The following SLC24A3 variants were observed in gnomAD, a reference collection of about 807,000 sequenced individuals.
SLC24A3 encodes solute carrier family 24 member 3.
SLC24A3 carries 28 observed loss-of-function variants against 75.8 expected under a neutral mutation model. The observed-to-expected ratio is 0.37, with a 90% CI of 0.27 to 0.51. The LOEUF is 0.51. Ranked by LOEUF, SLC24A3 falls within the 20% of genes least tolerant of loss-of-function variation. SLC24A3 has a pLI of 0.94. For synonymous variants in SLC24A3, 372 were observed against 334.1 expected, an observed-to-expected ratio of 1.11 and a Z score of -1.24; for missense variants, 663 against 847.8, an observed-to-expected ratio of 0.78 and a Z score of 2.71.
chr20:19,579,528 T>A (rs2031188773), intron 3 of SLC24A3, among the ~76,000 whole-genome samples: 1 of 152,218 alleles, frequency 6.6e-6, no homozygotes, highest in Non-Finnish European at 1.5e-5. Flanking sequence ...TTATATGACA[T>A]CATATCCTCA....
At chr20:19,508,966 C>T (rs1450206614) in intron 2 of SLC24A3, among the ~76,000 whole-genome samples, 1 of 152,230 alleles carries the variant, frequency 6.6e-6, no homozygotes, top group East Asian at 1.9e-4. Context: ...CAATGCAAGA[C>T]AGGAAGGAAC....
At chr20:19,509,888 A>C (rs6112431) in intron 2 of SLC24A3, among the ~76,000 whole-genome samples, 2,814 of 152,294 alleles carry the variant, frequency 0.018, 80 homozygotes, top group African/African-American at 0.064. Flanking sequence ...ACACTTTGGA[A>C]ATGTTGGCAT....
chr20:19,340,562 C>A (rs1985249606), intron 2 of SLC24A3, among the ~76,000 whole-genome samples: 1 of 152,128 alleles, frequency 6.6e-6, no homozygotes, highest in South Asian at 2.1e-4. Flanking sequence ...ACTGCATCAC[C>A]CCACTTTCCT....
At chr20:19,239,545 C>T (rs1342217840) in intron 1 of SLC24A3, among the ~76,000 whole-genome samples, 1 of 152,154 alleles carries the variant, frequency 6.6e-6, no homozygotes, top group Non-Finnish European at 1.5e-5. Flanking sequence ...ATTTGTTAGC[C>T]CATCAGAGGA....
intron 2 of SLC24A3, among the ~76,000 whole-genome samples, chr20:19,443,308 C>T (rs867450792): frequency 1.3e-5 from 2 of 152,260 alleles, no homozygotes; most frequent in Middle Eastern, 6.8e-3. Flanking sequence ...TCTTGCTATC[C>T]ATTAACATGG....
chr20:19,655,957 A>G (rs759319177), intron 7 of SLC24A3, among the ~76,000 whole-genome samples: 4 of 152,120 alleles, frequency 2.6e-5, no homozygotes, highest in Non-Finnish European at 4.4e-5. Context: ...GCCCTAACTA[A>G]TACAGCCCTC....
intron 1 of SLC24A3, among the ~76,000 whole-genome samples, chr20:19,269,276 C>CA (rs1305845028): frequency 5.3e-5 from 8 of 152,210 alleles, no homozygotes; most frequent in African/African-American, 1.7e-4. Context: ...CTAGATTGAT[C>CA]ATCATGGTAT....
intron 1 of SLC24A3, 67 bp downstream of exon 1, chr20:19,213,051 G>A: frequency 8.7e-7 from 1 of 1,149,730 alleles, no homozygotes; most frequent in Non-Finnish European, 1.1e-6. Context: ...CCGGGGCTGG[G>A]CGCGGGGCTC....
intron 1 of SLC24A3, among the ~76,000 whole-genome samples, chr20:19,276,729 A>ACT (rs1216921052): frequency 2.0e-5 from 3 of 152,024 alleles, no homozygotes; most frequent in African/African-American, 7.3e-5. Flanking sequence ...ACATAGTGAG[A>ACT]CTCTGTCTCT....
intron 2 of SLC24A3, among the ~76,000 whole-genome samples, chr20:19,355,370 G>A (rs924042314): frequency 6.6e-6 from 1 of 152,202 alleles, no homozygotes; most frequent in African/African-American, 2.4e-5. Context: ...AAAGAAGACA[G>A]GATAAGAAGG....
At chr20:19,472,634 C>G (rs768754952) in intron 2 of SLC24A3, among the ~76,000 whole-genome samples, 11 of 152,182 alleles carry the variant, frequency 7.2e-5, no homozygotes, top group Non-Finnish European at 1.2e-4. Context: ...CGTGGGAACT[C>G]TGGAATAGTT....
At chr20:19,424,768 A>C (rs1986976563) in intron 2 of SLC24A3, among the ~76,000 whole-genome samples, 1 of 149,492 alleles carries the variant, frequency 6.7e-6, no homozygotes, top group Non-Finnish European at 1.5e-5. Context: ...AAAAAAAAAA[A>C]AAACTTGAGC....
chr20:19,253,493 G>C (rs1982723601), intron 1 of SLC24A3, among the ~76,000 whole-genome samples: 1 of 152,094 alleles, frequency 6.6e-6, no homozygotes, highest in Admixed American at 6.5e-5. Flanking sequence ...ATTTGCTTCT[G>C]GCATTTGCTT....
chr20:19,715,539 C>T (rs111632205), intron 15 of SLC24A3, among the ~76,000 whole-genome samples: 6 of 152,266 alleles, frequency 3.9e-5, no homozygotes, highest in East Asian at 1.9e-4. Context: ...TTGCAAGTCA[C>T]GAGAGAAAGA....
chr20:19,399,282 A>G (rs550748056), intron 2 of SLC24A3, among the ~76,000 whole-genome samples: 76 of 151,740 alleles, frequency 5.0e-4, no homozygotes, highest in African/African-American at 1.7e-3. Context: ...ATTATTTTCT[A>G]TCTTCTACTT....
intron 6 of SLC24A3, among the ~76,000 whole-genome samples, chr20:19,620,376 C>T (rs2031788178): frequency 6.6e-6 from 1 of 152,142 alleles, no homozygotes; most frequent in Non-Finnish European, 1.5e-5. Context: ...ATCTCAAATT[C>T]AAGGCTCTTT....
intron 9 of SLC24A3, among the ~76,000 whole-genome samples, chr20:19,678,707 G>C (rs1187726924): frequency 1.6e-5 from 2 of 128,876 alleles, no homozygotes; most frequent in Admixed American, 7.4e-5. Flanking sequence ...CTTCCCAGAC[G>C]GGGTGGCTGC....
chr20:19,486,999 G>A (rs1988136356), intron 2 of SLC24A3, among the ~76,000 whole-genome samples: 1 of 152,116 alleles, frequency 6.6e-6, no homozygotes, highest in South Asian at 2.1e-4. Context: ...GTCAAACCTG[G>A]GATTGGATTC....
intron 3 of SLC24A3, among the ~76,000 whole-genome samples, chr20:19,538,645 C>T (rs1009631768): frequency 1.3e-5 from 2 of 152,146 alleles, no homozygotes; most frequent in Admixed American, 6.5e-5. Flanking sequence ...CTAAATAAAG[C>T]AACTGGAATT....
Sources: allele counts gnomAD v4.1 joint callset (sites outside exome capture counted in the v4.1 genomes callset), GRCh38; gene constraint gnomAD v4.1.1; transcripts MANE v1.5; gene names NCBI Gene and HGNC (gene_info 2026-07-23, HGNC 2026-07-21).